PRDM11: variants seen among roughly 807,000 people sequenced by gnomAD.
PRDM11 encodes PR domain-containing protein 11.
PRDM11 carries 20 observed loss-of-function variants against 97.8 expected under a neutral mutation model. The observed-to-expected ratio is 0.20, with a 90% CI of 0.14 to 0.30. The LOEUF (loss-of-function observed/expected upper bound fraction) is 0.30, where lower values mean the gene tolerates loss of function less well. Ranked by LOEUF, PRDM11 falls within the 10% of genes least tolerant of loss-of-function variation. The pLI is 1.00. For synonymous variants in PRDM11, 599 were observed against 637.7 expected, an observed-to-expected ratio of 0.94 and a Z score of 0.91; for missense variants, 1,139 against 1,555.2, an observed-to-expected ratio of 0.73 and a Z score of 4.50.
chr11:45,180,699 G>GCGGGC (rs1042187274), intron 1 of PRDM11, among the ~76,000 whole-genome samples: 19 of 149,864 alleles, frequency 1.3e-4, no homozygotes, highest in Admixed American at 6.0e-4. Context: ...GCAGGGCCGG[G>GCGGGC]CGGGCCGGGC....
upstream of PRDM11, among the ~76,000 whole-genome samples, chr11:45,094,253 T>TA (rs1157726104): frequency 6.6e-6 from 1 of 152,070 alleles, no homozygotes; most frequent in African/African-American, 2.4e-5. Context: ...GGGTGGCAGG[T>TA]AGCAGGAGGT....
At chr11:45,178,174 C>T (rs1852375350) in intron 1 of PRDM11, among the ~76,000 whole-genome samples, 1 of 151,926 alleles carries the variant, frequency 6.6e-6, no homozygotes, top group African/African-American at 2.4e-5. Flanking sequence ...CCTGTCTTAC[C>T]CTCCGTCCTT....
At chr11:45,120,202 G>A (rs541588357) in intron 1 of PRDM11, among the ~76,000 whole-genome samples, 133 of 152,214 alleles carry the variant, frequency 8.7e-4, no homozygotes, top group Non-Finnish European at 1.5e-3. Flanking sequence ...AAGCTGGGAG[G>A]GAGAGGGAAC....
At chr11:45,212,528 C>T (rs1273511824) in intron 5 of PRDM11, 4 of 454,484 alleles carry the variant, frequency 8.8e-6, no homozygotes, top group South Asian at 3.1e-5. Flanking sequence ...GCCTCTGCAG[C>T]GGTCTCCGGA....
intron 1 of PRDM11, among the ~76,000 whole-genome samples, chr11:45,099,419 C>T (rs1851935189): frequency 6.9e-6 from 1 of 144,922 alleles, no homozygotes; most frequent in South Asian, 2.2e-4. Flanking sequence ...CCACTGCACT[C>T]CAGCCTGGGT....
Position 45,234,273 on chromosome 11 carries a change from C to CAGCT in PRDM11, c.*6115_*6118dup, listed in dbSNP as rs1400981418. Reference sequence around the variant, plus strand: ...CAGGCACCAGATGATGGAGCAAGGGCAGCTGCATGCTCCCTCTCTCCAGAC... The same window carrying CAGCT: ...CAGGCACCAGATGATGGAGCAAGGGCAGCTAGCTGCATGCTCCCTCTCTCCAGAC... On this transcript the variant is annotated 3_prime_UTR_variant, in exon 8 of 8. Transcript: ENST00000683152. The CAGCT allele has an allele frequency of 6.6e-6, 1 of 152,330 alleles. No homozygotes were observed. The highest frequency in any genetic ancestry group is 1.5e-5 in the Non-Finnish European group (1 of 68,074). The allele number at this position is 152,330 out of a possible 1,614,324, so 9.4% of individuals were successfully genotyped here.
intron 5 of PRDM11, chr11:45,212,977 A>G: frequency 2.6e-6 from 1 of 379,300 alleles, no homozygotes; most frequent in Non-Finnish European, 5.3e-6. Flanking sequence ...CAGAGCCCCC[A>G]CCAGCTTCCC....
intron 1 of PRDM11, among the ~76,000 whole-genome samples, chr11:45,164,718 C>T (rs1199882373): frequency 2.6e-5 from 4 of 152,180 alleles, no homozygotes; most frequent in African/African-American, 4.8e-5. Context: ...GTGGTTTCAC[C>T]GTGATGGTCC....
At chr11:45,144,641 G>A (rs1048140694), upstream of PRDM11, among the ~76,000 whole-genome samples, 6 of 152,130 alleles carry the variant, frequency 3.9e-5, no homozygotes, top group Non-Finnish European at 8.8e-5. Context: ...CTCTACCCCA[G>A]TCACTGCAGG....
intron 1 of PRDM11, among the ~76,000 whole-genome samples, chr11:45,108,636 C>T (rs998323326): frequency 2.0e-5 from 3 of 152,124 alleles, no homozygotes; most frequent in African/African-American, 7.2e-5. Flanking sequence ...CGAGTGAGGA[C>T]GAGCTGCCTC....
intron 1 of PRDM11, among the ~76,000 whole-genome samples, chr11:45,166,370 TC>T (rs1565281836): frequency 6.6e-6 from 1 of 152,078 alleles, no homozygotes. Flanking sequence ...TCCAGCAGAG[TC>T]CCCCAGAGCC....
intron 7 of PRDM11, 23 bp downstream of exon 7, chr11:45,224,866 A>G (rs760041731): frequency 6.2e-7 from 1 of 1,610,934 alleles, no homozygotes; most frequent in Non-Finnish European, 8.5e-7. Context: ...GGATGAGATT[A>G]TTGTCGGAGG....
Position 45,146,781 on chromosome 11 carries a change from G to T in PRDM11, c.-103G>T, listed in dbSNP as rs914805243. 6.9e-6 allele frequency: 1 copy of T among 145,658 alleles called. No individual in the cohort carries two copies. The highest frequency in any genetic ancestry group is 1.5e-5 in the Non-Finnish European group (1 of 65,320). 9.0% of individuals were successfully genotyped at this position (145,658 alleles called of 1,614,324 possible). A position where few individuals can be genotyped will look rare whatever the true frequency, so the allele number is the denominator to read the frequency against. ...CCCGCAGCGCGGCCGCTCCCTCCGC[G>T]GGGGCCGCCAGCCGAGGCCGCGCCG... On this transcript the variant is annotated 5_prime_UTR_variant, in exon 1 of 8. Transcript: ENST00000683152.
At chr11:45,181,245 C>G (rs1400372049) in intron 1 of PRDM11, among the ~76,000 whole-genome samples, 1 of 152,214 alleles carries the variant, frequency 6.6e-6, no homozygotes, top group African/African-American at 2.4e-5. Context: ...GCCAGCGCCC[C>G]CAGGCCCTGC....
chr11:45,100,987 C>A (rs1016986410), intron 1 of PRDM11, among the ~76,000 whole-genome samples: 9 of 152,142 alleles, frequency 5.9e-5, no homozygotes, highest in Non-Finnish European at 1.0e-4. Context: ...TATTCTTAAC[C>A]AGCTCCAGAG....
At chr11:45,162,831 ATGGCAGGTGCT>A (rs1851962995) in intron 1 of PRDM11, among the ~76,000 whole-genome samples, 1 of 152,242 alleles carries the variant, frequency 6.6e-6, no homozygotes, top group Non-Finnish European at 1.5e-5. Flanking sequence ...TGCCTGACAC[ATGGCAGGTGCT>A]TGGTAAATGT....
chr11:45,174,690 T>C (rs951170016), intron 1 of PRDM11, among the ~76,000 whole-genome samples: 8 of 152,218 alleles, frequency 5.3e-5, no homozygotes, highest in Admixed American at 1.3e-4. Flanking sequence ...ATTGGAATTA[T>C]CTTCTTTAGC....
In PRDM11 at chr11:45,117,123, C is replaced by T. The variant is rs150268272; in HGVS notation, c.96+21222C>T. On this transcript the variant is annotated intron_variant, in intron 1 of 6. Coordinates refer to the PRDM11 transcript ENST00000530656. ...TCTATAGTCCCAGCTACTTGGGAGG[C>T]TGAGACAGGAGAATTGCTTGAACCT... Among the ~76,000 whole-genome samples the T allele has an allele frequency of 6.2e-3, 920 of 149,320 alleles. 12 individuals carry two copies. The highest frequency in any genetic ancestry group is 0.022 in the African/African-American group (872 of 40,340).
intron 1 of PRDM11, among the ~76,000 whole-genome samples, chr11:45,161,565 C>T (rs923294311): frequency 2.0e-5 from 3 of 152,292 alleles, no homozygotes; most frequent in East Asian, 1.9e-4. Context: ...GTTGTGGCTG[C>T]GGATTTGATC....
Sources: allele counts gnomAD v4.1 joint callset (sites outside exome capture counted in the v4.1 genomes callset), GRCh38; gene constraint gnomAD v4.1.1; transcripts MANE v1.5; gene names NCBI Gene and HGNC (gene_info 2026-07-23, HGNC 2026-07-21).